The following CMSS1 variants were observed in gnomAD, a reference collection of about 807,000 sequenced individuals.
CMSS1 encodes protein CMSS1.
In CMSS1, 33 loss-of-function variants were observed where a neutral mutation model predicts 43.5. The observed-to-expected ratio is 0.76, with a 90% CI of 0.57 to 1.01. The LOEUF is 1.01. CMSS1 is among the 50% of genes least tolerant of loss of function. The pLI is 0.00. For synonymous variants in CMSS1, 115 were observed against 117.2 expected (o/e 0.98, Z 0.12); for missense variants, 313 against 326.4 (o/e 0.96, Z 0.32).
Position 99,918,102 on chromosome 3 carries a change from T to A in CMSS1, c.64+100059T>A, listed in dbSNP as rs142953951. On this transcript the variant is annotated intron_variant, in intron 1 of 9. Coordinates refer to ENST00000421999, the MANE Select transcript of CMSS1 (RefSeq NM_032359.4). The stretch of plus-strand genomic sequence containing the variant: ...AAGTGATCCTTCTGCCTCAGCCTCC[T>A]GAGTAGCTGGGATTACAGGCGCGCG... Among the ~76,000 whole-genome samples the A allele has an allele frequency of 3.4e-3, 511 of 152,198 alleles. 1 individual carries two copies. The highest frequency in any genetic ancestry group is 5.5e-3 in the Non-Finnish European group (374 of 67,996).
chr3:100,043,746 A>AT (rs1255805927), intron 1 of CMSS1, among the ~76,000 whole-genome samples: 1 of 152,252 alleles, frequency 6.6e-6, no homozygotes. Flanking sequence ...TGTATACATT[A>AT]TAGAAAGAAT....
intron 1 of CMSS1, chr3:99,929,985 G>A (rs1431357397): frequency 6.2e-7 from 1 of 1,613,702 alleles, no homozygotes; most frequent in African/African-American, 1.3e-5. Flanking sequence ...GCAAAGCCAG[G>A]TCCATTTTTT....
chr3:99,860,154 A>T (rs776822969), intron 1 of CMSS1, among the ~76,000 whole-genome samples: 38 of 152,320 alleles, frequency 2.5e-4, no homozygotes, highest in Admixed American at 7.2e-4. Flanking sequence ...CAGACCCAGC[A>T]ATTTGGGTTA....
intron 1 of CMSS1, among the ~76,000 whole-genome samples, chr3:99,933,151 C>G (rs1451024617): frequency 6.6e-6 from 1 of 152,092 alleles, no homozygotes; most frequent in African/African-American, 2.4e-5. Flanking sequence ...GCTCAGGGAC[C>G]CACACTCTTA....
At chr3:99,989,802 A>G (rs972279821) in intron 1 of CMSS1, among the ~76,000 whole-genome samples, 3 of 152,104 alleles carry the variant, frequency 2.0e-5, no homozygotes, top group Non-Finnish European at 2.9e-5. Context: ...TTTGATAGAA[A>G]GGAAAATGGA....
At chr3:99,893,607 T>A (rs1049888665) in intron 1 of CMSS1, among the ~76,000 whole-genome samples, 1 of 152,218 alleles carries the variant, frequency 6.6e-6, no homozygotes, top group African/African-American at 2.4e-5. Context: ...TACTATCATG[T>A]AGGTATCTAA....
intron 1 of CMSS1, among the ~76,000 whole-genome samples, chr3:99,983,860 T>C (rs1709248159): frequency 1.3e-5 from 2 of 151,872 alleles, no homozygotes; most frequent in Admixed American, 6.6e-5. Flanking sequence ...ACTTATAATG[T>C]AGAATAACTT....
intron 1 of CMSS1, among the ~76,000 whole-genome samples, chr3:99,954,811 G>A (rs904958020): frequency 2.0e-5 from 3 of 151,330 alleles, no homozygotes; most frequent in African/African-American, 7.3e-5. Flanking sequence ...GAGCCACAGA[G>A]CAAGACTCTG....
chr3:99,821,988 A>T (rs1209638527), intron 1 of CMSS1, among the ~76,000 whole-genome samples: 1 of 151,918 alleles, frequency 6.6e-6, no homozygotes, highest in Non-Finnish European at 1.5e-5. Context: ...GGAGCTTGCG[A>T]CGAGCCAAGA....
chr3:100,047,891 A>G (rs1434759574), intron 1 of CMSS1, among the ~76,000 whole-genome samples: 1 of 152,130 alleles, frequency 6.6e-6, no homozygotes, highest in Non-Finnish European at 1.5e-5. Context: ...AAATGATAGG[A>G]TGGAGGTAGC....
chr3:99,930,682 A>T, intron 1 of CMSS1: 1 of 1,411,010 alleles, frequency 7.1e-7, no homozygotes, highest in Non-Finnish European at 9.8e-7. Context: ...TGAACCACAG[A>T]TATCTATTTC....
At chr3:100,123,114 T>G (rs986032061) in intron 1 of CMSS1, among the ~76,000 whole-genome samples, 1 of 152,146 alleles carries the variant, frequency 6.6e-6, no homozygotes, top group Non-Finnish European at 1.5e-5. Context: ...GATAAGTACA[T>G]CTTGTGATAG....
intron 1 of CMSS1, among the ~76,000 whole-genome samples, chr3:100,000,999 A>AT (rs1383083981): frequency 3.3e-5 from 5 of 152,182 alleles, no homozygotes; most frequent in Admixed American, 6.5e-5. Context: ...TGGGTGATAG[A>AT]TTTTTTAAAA....
chr3:99,862,611 A>C (rs1944318118), intron 1 of CMSS1, among the ~76,000 whole-genome samples: 1 of 152,212 alleles, frequency 6.6e-6, no homozygotes, highest in African/African-American at 2.4e-5. Flanking sequence ...CCTCCAGCTC[A>C]GTTGTGACAA....
At chr3:100,143,028 A>C (rs2066817603) in intron 1 of CMSS1, among the ~76,000 whole-genome samples, 1 of 152,212 alleles carries the variant, frequency 6.6e-6, no homozygotes, top group Non-Finnish European at 1.5e-5. Context: ...CAGTGTAGAA[A>C]GAAGTACAGA....
At chr3:99,918,873 A>G (rs1055239141) in intron 1 of CMSS1, among the ~76,000 whole-genome samples, 3 of 152,242 alleles carry the variant, frequency 2.0e-5, no homozygotes, top group Non-Finnish European at 4.4e-5. Context: ...GACAAAGGTC[A>G]AATGGAGATC....
chr3:100,114,928 C>T, intron 1 of CMSS1: 2 of 1,531,482 alleles, frequency 1.3e-6, no homozygotes, highest in East Asian at 2.4e-5. Flanking sequence ...CTGCCTGTTC[C>T]ATTTAGTGTC....
chr3:99,934,650 G>A (rs1052653131), intron 1 of CMSS1, among the ~76,000 whole-genome samples: 1 of 152,118 alleles, frequency 6.6e-6, no homozygotes, highest in African/African-American at 2.4e-5. Flanking sequence ...TTCATAAGTA[G>A]TGCCCTTTTA....
intron 1 of CMSS1, among the ~76,000 whole-genome samples, chr3:99,825,425 G>A (rs914945573): frequency 6.6e-6 from 1 of 152,154 alleles, no homozygotes; most frequent in Non-Finnish European, 1.5e-5. Context: ...GGAGAAAAAT[G>A]ACTATGTTAT....
Sources: gnomAD v4.1 joint callset for allele counts (sites outside exome capture counted in the v4.1 genomes callset) on GRCh38, gnomAD v4.1.1 for gene constraint, MANE v1.5 for transcripts, NCBI Gene and HGNC (gene_info 2026-07-23, HGNC 2026-07-21) for gene names.